C1QTNF7: variants seen among roughly 807,000 people sequenced by gnomAD.
C1QTNF7 encodes C1q and TNF related 7, also known as complement C1q tumor necrosis factor-related protein 7.
Under a neutral mutation model 19.6 loss-of-function variants are expected in C1QTNF7, and 15 were observed. The ratio of observed to expected loss-of-function variants is 0.76; its 90% CI spans 0.51 to 1.18. The LOEUF (loss-of-function observed/expected upper bound fraction) is 1.18, where lower values mean the gene tolerates loss of function less well. Ranked by LOEUF, C1QTNF7 falls within the 50% of genes most tolerant of loss-of-function variation. C1QTNF7 has a pLI of 0.00. For missense variants in C1QTNF7, 324 were observed against 359.7 expected, an observed-to-expected ratio of 0.90 and a Z score of 0.80; for synonymous variants, 142 against 137.5, an observed-to-expected ratio of 1.03 and a Z score of -0.23.
chr4:15,432,871 T>C (rs1712376574), intron 1 of C1QTNF7, among the ~76,000 whole-genome samples: 2 of 152,256 alleles, frequency 1.3e-5, no homozygotes, highest in Admixed American at 6.5e-5. Flanking sequence ...ATTGTTTTAA[T>C]TTATTCCTTG....
intron 1 of C1QTNF7, among the ~76,000 whole-genome samples, chr4:15,398,917 C>T (rs1718884960): frequency 6.6e-6 from 1 of 152,178 alleles, no homozygotes; most frequent in Non-Finnish European, 1.5e-5. Flanking sequence ...CTTCTGGGAT[C>T]TCGCATTGCC....
rs771195662 is a variant in C1QTNF7 at position 15,445,685 on chromosome 4, A to G, written c.*2886A>G. The G allele has an allele frequency of 6.6e-6, 1 of 152,240 alleles. No individual in the cohort carries two copies. Among genetic ancestry groups the G allele is most frequent in the Non-Finnish European group, 1.5e-5 (1 of 68,040 alleles). The allele number at this position is 152,240 out of a possible 1,614,324, so 9.4% of individuals were successfully genotyped here. On this transcript the variant is annotated 3_prime_UTR_variant, in exon 3 of 3. Coordinates refer to ENST00000444304, the MANE Select transcript of C1QTNF7 (RefSeq NM_031911.5). ...TCTTAAAAAATAGCAGATACAGTTT[A>G]TCCACATTTGTAAATATTTGTATAA...
At position 15,443,011 on chromosome 4, in the gene C1QTNF7, C is replaced by A. The variant is rs866401958; in HGVS notation, c.*212C>A. On this transcript the variant is annotated 3_prime_UTR_variant, in exon 3 of 3. Coordinates refer to ENST00000444304, the MANE Select transcript of C1QTNF7 (RefSeq NM_031911.5). ...TAAAGAATAGCCCCAGATATAAATT[C>A]TCTTGAAAGCAATGTTCATAAATAT... 26 of 415,252 alleles carry A rather than the reference C, an allele frequency of 6.3e-5. No individual in the cohort carries two copies. In the Middle Eastern group the frequency reaches 5.3e-3, roughly 84 times the overall value. 25.7% of individuals were successfully genotyped at this position (415,252 alleles called of 1,614,324 possible).
At chr4:15,417,018 C>A (rs572272442) in intron 1 of C1QTNF7, among the ~76,000 whole-genome samples, 1 of 152,166 alleles carries the variant, frequency 6.6e-6, no homozygotes, top group Non-Finnish European at 1.5e-5. Context: ...TCCTCCAGAT[C>A]TTTTATGTTA....
chr4:15,443,028 C>A lies in C1QTNF7; in HGVS notation c.*229C>A. 2.7e-6 allele frequency: 1 copy of A among 365,452 alleles called. No individual in the cohort carries two copies. Among genetic ancestry groups the A allele is most frequent in the Non-Finnish European group, 4.8e-6 (1 of 208,700 alleles). 22.6% of individuals were successfully genotyped at this position (365,452 alleles called of 1,614,324 possible). A position where few individuals can be genotyped will look rare whatever the true frequency, so the allele number is the denominator to read the frequency against. On this transcript the variant is annotated 3_prime_UTR_variant, in exon 3 of 3. Coordinates refer to ENST00000444304, the MANE Select transcript of C1QTNF7 (RefSeq NM_031911.5). ...TATAAATTCTCTTGAAAGCAATGTT[C>A]ATAAATATTTAAGCAAATTAAAGAC...
At chr4:15,405,240 C>T (rs1179306178) in intron 1 of C1QTNF7, among the ~76,000 whole-genome samples, 3 of 152,030 alleles carry the variant, frequency 2.0e-5, no homozygotes, top group Non-Finnish European at 4.4e-5. Context: ...GCACTTGTGT[C>T]GAATGACAGC....
At chr4:15,368,874 T>A (rs1717623786) in intron 1 of C1QTNF7, among the ~76,000 whole-genome samples, 1 of 152,222 alleles carries the variant, frequency 6.6e-6, no homozygotes, top group South Asian at 2.1e-4. Flanking sequence ...CTTGCAGAGT[T>A]CTTTAGGGCA....
At chr4:15,407,926 A>AAAAAC (rs776091809) in intron 1 of C1QTNF7, among the ~76,000 whole-genome samples, 11 of 152,028 alleles carry the variant, frequency 7.2e-5, no homozygotes, top group South Asian at 6.2e-4. Flanking sequence ...ACTCTGTCTC[A>AAAAAC]AAAACAAAAC....
In C1QTNF7 at chr4:15,442,831, G is replaced by A. The variant is rs751031331; in HGVS notation, c.*32G>A. ...CCAAGATCCCTGTGGTAAACACTCTGATTGAATCTGGGGTTCCAGAAGGTG... is the reference window on the plus strand; with the variant it reads ...CCAAGATCCCTGTGGTAAACACTCTAATTGAATCTGGGGTTCCAGAAGGTG... On this transcript the variant is annotated 3_prime_UTR_variant, in exon 3 of 3. Transcript: ENST00000444304. 6 of 1,541,252 alleles carry A rather than the reference G, an allele frequency of 3.9e-6. No homozygotes were observed. The African/African-American group carries it at 6.9e-5, about 18-fold the overall frequency.
At position 15,442,875 on chromosome 4, in the gene C1QTNF7, T is replaced by A. The variant is rs1274963799; in HGVS notation, c.*76T>A. 1 of 1,401,044 alleles carries A rather than the reference T, an allele frequency of 7.1e-7. No individual in the cohort carries two copies. The highest frequency in any genetic ancestry group is 1.4e-5 in the South Asian group (1 of 70,544). 86.8% of individuals were successfully genotyped at this position (1,401,044 alleles called of 1,614,324 possible). A position where few individuals can be genotyped will look rare whatever the true frequency, so the allele number is the denominator to read the frequency against. On this transcript the variant is annotated 3_prime_UTR_variant, in exon 3 of 3. Coordinates refer to ENST00000444304, the MANE Select transcript of C1QTNF7 (RefSeq NM_031911.5). ...GAAGGTGGAACAAGCAGGAATGGGA[T>A]CCAAAGAGACTCCCACTCAGATTCT...
intron 1 of C1QTNF7, among the ~76,000 whole-genome samples, chr4:15,376,347 C>T (rs1717940002): frequency 6.6e-6 from 1 of 152,178 alleles, no homozygotes; most frequent in African/African-American, 2.4e-5. Context: ...TTGTCGTGTG[C>T]TGGGCCCTTC....
chr4:15,409,116 T>G (rs1253291215), intron 1 of C1QTNF7, among the ~76,000 whole-genome samples: 5 of 152,154 alleles, frequency 3.3e-5, no homozygotes, highest in African/African-American at 1.2e-4. Context: ...CATCTCCAAC[T>G]AAAATAACCA....
chr4:15,418,548 G>A (rs1261714918), intron 1 of C1QTNF7, among the ~76,000 whole-genome samples: 1 of 151,986 alleles, frequency 6.6e-6, no homozygotes, highest in Non-Finnish European at 1.5e-5. Flanking sequence ...TCATCCTCAG[G>A]TATCCCCAGG....
At chr4:15,371,548 T>C (rs1717726885) in intron 1 of C1QTNF7, among the ~76,000 whole-genome samples, 1 of 152,064 alleles carries the variant, frequency 6.6e-6, no homozygotes, top group South Asian at 2.1e-4. Flanking sequence ...ATTATGCAAA[T>C]TATCTTAGAA....
intron 1 of C1QTNF7, among the ~76,000 whole-genome samples, chr4:15,360,473 G>GAACTCATGC (rs1717299163): frequency 6.6e-6 from 1 of 151,896 alleles, no homozygotes. Context: ...GGCCAACATC[G>GAACTCATGC]CTGTAACTCA....
At chr4:15,352,078 C>A (rs1002930314) in intron 1 of C1QTNF7, among the ~76,000 whole-genome samples, 1 of 152,096 alleles carries the variant, frequency 6.6e-6, no homozygotes, top group African/African-American at 2.4e-5. Flanking sequence ...GAATATTTTG[C>A]CTCTACCCAG....
intron 1 of C1QTNF7, among the ~76,000 whole-genome samples, chr4:15,394,544 GCA>G (rs1456281116): frequency 6.6e-6 from 1 of 152,226 alleles, no homozygotes; most frequent in Non-Finnish European, 1.5e-5. Context: ...GTGGAAGAAT[GCA>G]CACACAAAAG....
chr4:15,350,983 A>T (rs1716916544), intron 1 of C1QTNF7, among the ~76,000 whole-genome samples: 1 of 152,194 alleles, frequency 6.6e-6, no homozygotes, highest in Non-Finnish European at 1.5e-5. Context: ...CTTGGATTAA[A>T]ATCCAAGCCG....
chr4:15,369,833 A>G (rs1172796469), intron 1 of C1QTNF7, among the ~76,000 whole-genome samples: 1 of 152,240 alleles, frequency 6.6e-6, no homozygotes, highest in Non-Finnish European at 1.5e-5. Flanking sequence ...ATTTGACTGC[A>G]AGACTTCAAA....
Sources: gnomAD v4.1 joint callset for allele counts (sites outside exome capture counted in the v4.1 genomes callset) on GRCh38, gnomAD v4.1.1 for gene constraint, MANE v1.5 for transcripts, NCBI Gene and HGNC (gene_info 2026-07-23, HGNC 2026-07-21) for gene names.